Variants in OXSR1 observed in about 807,000 individuals in gnomAD.
OXSR1 encodes oxidative stress responsive kinase 1.
Under a neutral mutation model 79.8 loss-of-function variants are expected in OXSR1, and 24 were observed. The ratio of observed to expected loss-of-function variants is 0.30; its 90% CI spans 0.22 to 0.42. The LOEUF is 0.42. Among genes scored for constraint, OXSR1 ranks in the 10% least tolerant of loss-of-function variants. The probability of loss-of-function intolerance (pLI) is 1.00; values close to 1 mark genes in which losing one functional copy is unlikely to be tolerated. For synonymous variants in OXSR1, 226 were observed against 209.2 expected, an observed-to-expected ratio of 1.08 and a Z score of -0.69; for missense variants, 430 against 618.4, an observed-to-expected ratio of 0.70 and a Z score of 3.23.
At chr3:38,200,988 C>T (rs1702152527) in intron 4 of OXSR1, among the ~76,000 whole-genome samples, 1 of 152,130 alleles carries the variant, frequency 6.6e-6, no homozygotes, top group African/African-American at 2.4e-5. Flanking sequence ...ATTTTGACAT[C>T]TTGGATTATT....
chr3:38,235,911 A>G lies in OXSR1; in HGVS notation c.952-928A>G, dbSNP rs35779870. Among the ~76,000 whole-genome samples the G allele has an allele frequency of 3.0e-3, 452 of 152,320 alleles. 1 individual carries two copies. Among genetic ancestry groups the G allele is most frequent in the African/African-American group, 0.01 (433 of 41,578 alleles). ...GAAGTCATGTGATCCAGGACGCACAATCCTCTGGCTGATGGTAGAATTTGA... is the reference window on the plus strand; with the variant it reads ...GAAGTCATGTGATCCAGGACGCACAGTCCTCTGGCTGATGGTAGAATTTGA... On this transcript the variant is annotated intron_variant, in intron 10 of 17. Transcript: ENST00000311806.
chr3:38,205,884 A>G (rs1702255887), intron 4 of OXSR1, among the ~76,000 whole-genome samples: 1 of 152,146 alleles, frequency 6.6e-6, no homozygotes, highest in Non-Finnish European at 1.5e-5. Context: ...TTTCCAGAGC[A>G]CTGAAATGGT....
At chr3:38,170,342 G>A (rs1273187657) in intron 1 of OXSR1, among the ~76,000 whole-genome samples, 1 of 152,078 alleles carries the variant, frequency 6.6e-6, no homozygotes, top group African/African-American at 2.4e-5. Context: ...CCCCGCGCCT[G>A]GCCTCTTTCA....
chr3:38,192,612 A>G (rs928873885), intron 3 of OXSR1, among the ~76,000 whole-genome samples: 1 of 152,244 alleles, frequency 6.6e-6, no homozygotes, highest in Non-Finnish European at 1.5e-5. Flanking sequence ...ATCTTGCAGT[A>G]TATATACAAG....
chr3:38,192,043 T>G lies in OXSR1; in HGVS notation c.292+1204T>G, dbSNP rs1367999747. The stretch of plus-strand genomic sequence containing the variant: ...GTTTTAGTGTAAAATGTTGGTTTAG[T>G]AATCATCTCCAGTGGTAGCAACTGA... On this transcript the variant is annotated intron_variant, in intron 3 of 17. Transcript: ENST00000311806. Among the ~76,000 whole-genome samples, 3 of 152,204 alleles carry G rather than the reference T, an allele frequency of 2.0e-5. No individual in the cohort carries two copies. In the East Asian group the frequency reaches 5.8e-4, roughly 29 times the overall value.
At chr3:38,230,974 A>G (rs1385126010) in intron 10 of OXSR1, among the ~76,000 whole-genome samples, 2 of 152,230 alleles carry the variant, frequency 1.3e-5, no homozygotes, top group South Asian at 2.1e-4. Flanking sequence ...CCTCACTCTT[A>G]CTTCTCTGCT....
At chr3:38,207,959 C>CCTTT (rs1429837903) in intron 4 of OXSR1, among the ~76,000 whole-genome samples, 12 of 137,220 alleles carry the variant, frequency 8.7e-5, no homozygotes, top group African/African-American at 3.0e-4. Context: ...TTCCTTCCTT[C>CCTTT]CTTTCTTCCT....
rs571437968 is a variant in OXSR1, at chr3:38,253,287, A to T, written c.*396A>T. On this transcript the variant is annotated 3_prime_UTR_variant, in exon 18 of 18. Transcript: ENST00000311806. Reference sequence around the variant, plus strand: ...CCTGTTCCCCCACACCTGCCAGGATATGGACATCTTGGGATATCTCTTTAC... The same window carrying T: ...CCTGTTCCCCCACACCTGCCAGGATTTGGACATCTTGGGATATCTCTTTAC... The T allele has an allele frequency of 5.8e-4, 109 of 188,300 alleles. No homozygotes were observed. Among genetic ancestry groups the T allele is most frequent in the Non-Finnish European group, 8.7e-4 (79 of 90,762 alleles). The allele number at this position is 188,300 out of a possible 1,614,324, so 11.7% of individuals were successfully genotyped here.
At chr3:38,189,101 C>T (rs951217365) in intron 2 of OXSR1, among the ~76,000 whole-genome samples, 3 of 152,056 alleles carry the variant, frequency 2.0e-5, no homozygotes, top group Non-Finnish European at 4.4e-5. Context: ...TCATATGTAC[C>T]TATCATCTTG....
upstream of OXSR1, among the ~76,000 whole-genome samples, chr3:38,164,691 T>TGGG (rs1306619634): frequency 6.6e-6 from 1 of 152,122 alleles, no homozygotes; most frequent in Non-Finnish European, 1.5e-5. Flanking sequence ...CGATCTCACT[T>TGGG]GTTTAATACC....
rs1299829681 is a variant in OXSR1 at position 38,252,837 on chromosome 3, A to T, written c.1530A>T (p.Ser510=). 5.0e-6 allele frequency: 8 copies of T among 1,613,470 alleles called. 1 individual carries two copies. The South Asian group carries it at 8.8e-5, about 18-fold the overall frequency. ...TFKLASGVEG[S]DIPDDGKLIG... is the part of the protein sequence containing the mutation. ...CTTAGGCATCTGGTGTCGAAGGCTC[A>T]GATATTCCTGATGATGGTAAACTGA... is the stretch of plus-strand genomic sequence containing the variant. Residue 510 remains serine, a synonymous_variant, in exon 18 of 18, where the codon TCA becomes TCT. Transcript: ENST00000311806.
chr3:38,215,152 C>T (rs1337710777), intron 4 of OXSR1, among the ~76,000 whole-genome samples: 1 of 152,136 alleles, frequency 6.6e-6, no homozygotes, highest in Admixed American at 6.5e-5. Context: ...TTAATGGTGT[C>T]ATGAAATGCA....
chr3:38,210,485 C>A (rs557493125), intron 4 of OXSR1, among the ~76,000 whole-genome samples: 107 of 152,208 alleles, frequency 7.0e-4, no homozygotes, highest in East Asian at 1.4e-3. Context: ...GGGGAATTTT[C>A]TCCTGTCTAT....
chr3:38,171,272 A>G (rs1279160288), intron 1 of OXSR1, among the ~76,000 whole-genome samples: 3 of 152,238 alleles, frequency 2.0e-5, no homozygotes, highest in African/African-American at 4.8e-5. Flanking sequence ...CTTTGCTTCC[A>G]TACCAAAATG....
At chr3:38,243,530 A>G (rs908836203) in intron 12 of OXSR1, among the ~76,000 whole-genome samples, 2 of 152,302 alleles carry the variant, frequency 1.3e-5, no homozygotes, top group South Asian at 2.1e-4. Flanking sequence ...CCGGAGAAAG[A>G]CAATCATTTC....
intron 9 of OXSR1, among the ~76,000 whole-genome samples, 186 bp from the exon 10 acceptor site, chr3:38,230,179 C>T (rs1178075949): frequency 6.6e-6 from 1 of 152,072 alleles, no homozygotes; most frequent in East Asian, 1.9e-4. Context: ...TAATTTTCTG[C>T]CTCAATTTAT....
rs376099992 is a variant in OXSR1, at chr3:38,176,693, C to G, written c.71-6310C>G. 8.5e-5 allele frequency among the ~76,000 whole-genome samples: 13 copies of G among 152,254 alleles called. No individual in the cohort carries two copies. The South Asian group carries it at 1.7e-3, about 19-fold the overall frequency. On this transcript the variant is annotated intron_variant, in intron 1 of 17. Coordinates refer to ENST00000311806, the MANE Select transcript of OXSR1 (RefSeq NM_005109.3). ...TCATTTGACCATTTGTTAAATCACA[C>G]CAGAGCATAATATCTTGCTCATGAG...
At chr3:38,244,671 G>GTGTGTGTGTGTGTGTGTGTGCA (rs759128810) in intron 12 of OXSR1, among the ~76,000 whole-genome samples, 1 of 118,380 alleles carries the variant, frequency 8.4e-6, no homozygotes, top group Admixed American at 8.2e-5. Flanking sequence ...GTGTGTGCGT[G>GTGTGTGTGTGTGTGTGTGTGCA]CGCATGTACC....
chr3:38,168,756 T>C (rs369477556), intron 1 of OXSR1, among the ~76,000 whole-genome samples: 23 of 152,374 alleles, frequency 1.5e-4, no homozygotes, highest in Admixed American at 9.8e-4. Context: ...TTTATGTAAA[T>C]GTAATCATAT....
Sources: allele counts gnomAD v4.1 joint callset (sites outside exome capture counted in the v4.1 genomes callset), GRCh38; gene constraint gnomAD v4.1.1; transcripts MANE v1.5; gene names NCBI Gene and HGNC (gene_info 2026-07-23, HGNC 2026-07-21).